SREK1: variants seen among roughly 807,000 people sequenced by gnomAD.
The protein encoded by SREK1 is splicing regulatory glutamine/lysine-rich protein 1.
Under a neutral mutation model 66.5 loss-of-function variants are expected in SREK1, and 13 were observed. The observed-to-expected ratio is 0.20, with a 90% CI of 0.13 to 0.31. The LOEUF (loss-of-function observed/expected upper bound fraction) is 0.31, where lower values mean the gene tolerates loss of function less well. Ranked by LOEUF, SREK1 falls within the 10% of genes least tolerant of loss-of-function variation. The pLI is 1.00. For synonymous variants in SREK1, 265 were observed against 263.5 expected, an observed-to-expected ratio of 1.01 and a Z score of -0.05; for missense variants, 607 against 769.6, an observed-to-expected ratio of 0.79 and a Z score of 2.50.
Position 66,170,622 on chromosome 5 carries a change from A to G in SREK1, c.1159A>G (p.Lys387Glu), listed in dbSNP as rs1745554155. The G allele has an allele frequency of 1.9e-6, 3 of 1,609,768 alleles. No individual in the cohort carries two copies. The highest frequency in any genetic ancestry group is 2.7e-5 in the African/African-American group (2 of 74,340). Residue 387 changes from lysine (K) to glutamate (E), a missense_variant, in exon 9 of 12, where the codon AAG becomes GAG. Physicochemically the swap from Lys to Glu is moderately conservative, Grantham distance 56. Coordinates refer to ENST00000334121, the MANE Select transcript of SREK1 (RefSeq NM_001077199.3). ...AGACACTCGAGAAAAGATCAAGGAAAAGGAAAGAGTGAAAGAGAAAGACAG... is the reference window on the plus strand; with the variant it reads ...AGACACTCGAGAAAAGATCAAGGAAGAGGAAAGAGTGAAAGAGAAAGACAG... ...RKDTREKIKE[K>E]ERVKEKDREK...
In SREK1 at chr5:66,177,617, G is replaced by T. The variant is rs200372797; in HGVS notation, c.1684G>T (p.Asp562Tyr). 6.2e-7 allele frequency: 1 copy of T among 1,608,974 alleles called. No individual in the cohort carries two copies. The highest frequency in any genetic ancestry group is 8.5e-7 in the Non-Finnish European group (1 of 1,178,020). Residue 562 changes from aspartate to tyrosine, a missense_variant, in exon 11 of 12, where the codon GAT (aspartate) becomes TAT (tyrosine). Transcript: ENST00000334121. ...TSMRKSSNDR[D>Y]GKEKLEKNST... is the part of the protein sequence containing the mutation. The stretch of plus-strand genomic sequence containing the variant: ...TATGAGAAAGAGTTCTAATGATAGA[G>T]ATGGGAAGGAGAAGTTGGAGAAGAA...
At chr5:66,145,642 G>A (rs890988722) in intron 1 of SREK1, among the ~76,000 whole-genome samples, 9 of 151,644 alleles carry the variant, frequency 5.9e-5, no homozygotes, top group Non-Finnish European at 1.2e-4. Context: ...AATATTTCAT[G>A]CATACAGAAA....
At chr5:66,161,292 A>C (rs1380942882) in intron 3 of SREK1, among the ~76,000 whole-genome samples, 2 of 152,112 alleles carry the variant, frequency 1.3e-5, no homozygotes, top group African/African-American at 4.8e-5. Flanking sequence ...TTAGTAAGTA[A>C]AATTTTTTTG....
At chr5:66,164,012 C>A in intron 6 of SREK1, 90 bp downstream of exon 6, 1 of 1,451,410 alleles carries the variant, frequency 6.9e-7, no homozygotes, top group South Asian at 1.4e-5. Flanking sequence ...CTTGTTCAGT[C>A]ACTTCATTTT....
At chr5:66,175,316 T>C (rs545974744) in intron 10 of SREK1, among the ~76,000 whole-genome samples, 1 of 152,196 alleles carries the variant, frequency 6.6e-6, no homozygotes, top group Non-Finnish European at 1.5e-5. Context: ...ATCATTTTTT[T>C]CTAATACAAG....
At chr5:66,178,172 T>C (rs1157661646) in intron 11 of SREK1, among the ~76,000 whole-genome samples, 7 of 152,012 alleles carry the variant, frequency 4.6e-5, no homozygotes, top group Admixed American at 6.6e-5. Flanking sequence ...ATCTATCTTA[T>C]AGTTTTATGT....
chr5:66,175,185 A>C, intron 10 of SREK1, 144 bp downstream of exon 10: 4 of 701,334 alleles, frequency 5.7e-6, no homozygotes, highest in Non-Finnish European at 9.0e-6. Context: ...GATAAAAGTT[A>C]TGTATCAGGA....
In SREK1 at chr5:66,181,237, TTACATGGGCTTA is replaced by T. The variant is rs1746457594; in HGVS notation, c.*2371_*2382del. On this transcript the variant is annotated 3_prime_UTR_variant, in exon 12 of 12. Coordinates refer to ENST00000334121, the MANE Select transcript of SREK1 (RefSeq NM_001077199.3). ...TTGTTATTAGGGTTTGACTTTTTTTTTACATGGGCTTATGGAAGCAAGGCATTCTAGGGTCTA... is the reference window on the plus strand; with the variant it reads ...TTGTTATTAGGGTTTGACTTTTTTTTTGGAAGCAAGGCATTCTAGGGTCTA... 1 of 152,198 alleles carries T rather than the reference TTACATGGGCTTA, an allele frequency of 6.6e-6. No individual in the cohort carries two copies. Among genetic ancestry groups the T allele is most frequent in the Non-Finnish European group, 1.5e-5 (1 of 68,036 alleles). The allele number at this position is 152,198 out of a possible 1,614,324, so 9.4% of individuals were successfully genotyped here. A position where few individuals can be genotyped will look rare whatever the true frequency, so the allele number is the denominator to read the frequency against.
At chr5:66,164,605 C>G in intron 6 of SREK1, 178 bp from the exon 7 acceptor site, 1 of 1,528,714 alleles carries the variant, frequency 6.5e-7, no homozygotes, top group Non-Finnish European at 8.8e-7. Flanking sequence ...TGTACTGCTG[C>G]AGGGTGGCTG....
At chr5:66,177,362 T>C in intron 10 of SREK1, 152 bp from the exon 11 acceptor site, 1 of 633,094 alleles carries the variant, frequency 1.6e-6, no homozygotes, top group Non-Finnish European at 2.5e-6. Flanking sequence ...GTTGTAGGGC[T>C]CATTTATGTT....
Position 66,183,564 on chromosome 5 carries a change from ATGC to A in SREK1, c.*4701_*4703del, listed in dbSNP as rs1404175582. 2 of 152,206 alleles carry A rather than the reference ATGC, an allele frequency of 1.3e-5. No homozygotes were observed. The highest frequency in any genetic ancestry group is 1.5e-5 in the Non-Finnish European group (1 of 68,022). The allele number at this position is 152,206 out of a possible 1,614,324, so 9.4% of individuals were successfully genotyped here. A position where few individuals can be genotyped will look rare whatever the true frequency, so the allele number is the denominator to read the frequency against. On this transcript the variant is annotated 3_prime_UTR_variant, in exon 12 of 12. Transcript: ENST00000334121. ...GGTACTAGTAAAGATTTATCAAACA[ATGC>A]TGCTATTATGTTGCTATATTTTTAA...
chr5:66,159,175 G>C (rs771425139), intron 2 of SREK1, 44 bp from the exon 3 acceptor site: 1 of 1,578,336 alleles, frequency 6.3e-7, no homozygotes, highest in Non-Finnish European at 8.6e-7. Context: ...TAAAGTTTGT[G>C]TGGTGTTTCT....
At position 66,178,747 on chromosome 5, in the gene SREK1, C is replaced by T. The variant is rs1580684689; in HGVS notation, c.1754C>T (p.Ser585Leu). 2 of 1,611,762 alleles carry T rather than the reference C, an allele frequency of 1.2e-6. No individual in the cohort carries two copies. Among genetic ancestry groups the T allele is most frequent in the East Asian group, 4.5e-5 (2 of 44,838 alleles). The change falls in exon 12 of 12, where the codon TCA becomes TTA. Residue 585 changes from serine to leucine, a missense_variant. Physicochemically the swap from Ser to Leu is moderately radical, Grantham distance 145. Around this residue, in one of 5 missense-constraint regions of SREK1, gnomAD observed 318 missense variants for 310.3 expected, o/e 1.02. Transcript: ENST00000334121. ...AAAGAGCACAATAAAGAACCAGATT[C>T]AAGTGTGAGCAAAGAAGTAGATGAC... ...KEKEHNKEPDSSVSKEVDDKD... is the reference protein window; with the variant it reads ...KEKEHNKEPDLSVSKEVDDKD...
At chr5:66,150,846 T>G (rs552485745) in intron 1 of SREK1, among the ~76,000 whole-genome samples, 2 of 152,278 alleles carry the variant, frequency 1.3e-5, no homozygotes, top group Middle Eastern at 6.8e-3. Context: ...TGACAATTTT[T>G]TTTTTCTTTT....
chr5:66,154,526 A>G (rs1345365634), intron 2 of SREK1, among the ~76,000 whole-genome samples: 1 of 152,222 alleles, frequency 6.6e-6, no homozygotes, highest in Non-Finnish European at 1.5e-5. Context: ...GGGCTTTCAT[A>G]TGTAATTTTT....
At chr5:66,153,834 C>G (rs1045629880) in intron 2 of SREK1, 1 of 443,970 alleles carries the variant, frequency 2.3e-6, no homozygotes, top group African/African-American at 2.1e-5. Context: ...CTTTGGCTTT[C>G]TGTAGTCAAT....
intron 2 of SREK1, chr5:66,156,581 T>G (rs1302676737): frequency 8.1e-6 from 8 of 985,582 alleles, no homozygotes; most frequent in Non-Finnish European, 8.4e-6. Context: ...TTTTCTAGTT[T>G]TTTTCCCCCC....
intron 11 of SREK1, among the ~76,000 whole-genome samples, chr5:66,178,038 A>G (rs1746204435): frequency 6.6e-6 from 1 of 152,110 alleles, no homozygotes; most frequent in Non-Finnish European, 1.5e-5. Context: ...AGAATACCTA[A>G]TGGAAAACCA....
In SREK1 at chr5:66,178,894, A is replaced by G; in HGVS notation, c.*26A>G. The G allele has an allele frequency of 6.5e-7, 1 of 1,540,686 alleles. No individual in the cohort carries two copies. Among genetic ancestry groups the G allele is most frequent in the South Asian group, 1.3e-5 (1 of 78,210 alleles). On this transcript the variant is annotated 3_prime_UTR_variant, in exon 12 of 12. Coordinates refer to ENST00000334121, the MANE Select transcript of SREK1 (RefSeq NM_001077199.3). ...GACCGACAAGTGTACCTCTGCACTC[A>G]ATGCTGGAATCAAATCCAAAGCTTT...
Sources: allele counts gnomAD v4.1 joint callset (sites outside exome capture counted in the v4.1 genomes callset), GRCh38; gene constraint gnomAD v4.1.1; regional missense constraint gnomAD v4.1.1; transcripts MANE v1.5; gene names NCBI Gene and HGNC (gene_info 2026-07-23, HGNC 2026-07-21).